The following BIRC6 variants were observed in gnomAD, a reference collection of about 807,000 sequenced individuals.
The protein encoded by BIRC6 is baculoviral IAP repeat containing 6.
A neutral mutation model predicts 503.3 loss-of-function variants in BIRC6; 98 were observed. The observed-to-expected ratio is 0.19, with a 90% CI of 0.17 to 0.23. The LOEUF (loss-of-function observed/expected upper bound fraction) is 0.23. Ranked by LOEUF, BIRC6 falls within the 10% of genes least tolerant of loss-of-function variation. The pLI is 1.00. For synonymous variants in BIRC6, 2,240 were observed against 2,078.7 expected (o/e 1.08, Z -2.11); for missense variants, 5,360 against 5,806.0 (o/e 0.92, Z 2.50).
chr2:32,603,530 C>T (rs994272067), intron 71 of BIRC6, among the ~76,000 whole-genome samples: 31 of 152,176 alleles, frequency 2.0e-4, no homozygotes, highest in African/African-American at 6.0e-4. Context: ...GCTTGGCCAA[C>T]GTGGTAAGAC....
chr2:32,563,176 A>T (rs1455513697), intron 65 of BIRC6, among the ~76,000 whole-genome samples: 1 of 152,220 alleles, frequency 6.6e-6, no homozygotes. Flanking sequence ...TGTATGTTAC[A>T]TGAAGAGGGT....
chr2:32,441,570 T>G (rs539729731), intron 17 of BIRC6, 108 bp downstream of exon 17: 3 of 1,038,106 alleles, frequency 2.9e-6, no homozygotes, highest in East Asian at 5.1e-5. Flanking sequence ...AAATTTTTTT[T>G]GTCCATTTTT....
At chr2:32,558,632 T>A (rs901561446) in intron 65 of BIRC6, 1 of 152,182 alleles carries the variant, frequency 6.6e-6, no homozygotes, top group African/African-American at 2.4e-5. Context: ...TTTAAAATAA[T>A]TAAAAGAGAA....
intron 53 of BIRC6, 126 bp downstream of exon 53, chr2:32,510,760 C>T: frequency 3.1e-6 from 2 of 637,044 alleles, no homozygotes; most frequent in Non-Finnish European, 5.5e-6. Context: ...TGTATGTTTA[C>T]CATATGCCTC....
intron 65 of BIRC6, among the ~76,000 whole-genome samples, chr2:32,553,414 G>T (rs1239579685): frequency 6.6e-6 from 1 of 151,680 alleles, no homozygotes; most frequent in African/African-American, 2.4e-5. Context: ...TTGAGACAGA[G>T]TCTCATTCTG....
rs1290070750 is a variant in BIRC6 at position 32,531,537 on chromosome 2, G to C, written c.12277G>C (p.Glu4093Gln). ...TGAAAGACTACCCATGCTATATCCAGAAGTAATTCAACAGGTAAGATAAGA... is the reference window on the plus strand; with the variant it reads ...TGAAAGACTACCCATGCTATATCCACAAGTAATTCAACAGGTAAGATAAGA... The part of the protein sequence containing the change: ...IAERLPMLYP[E>Q]VIQQVSAPVV... Residue 4093 changes from glutamate to glutamine, a missense_variant, in exon 61 of 74, where the codon GAA (glutamate) becomes CAA (glutamine). Coordinates refer to ENST00000421745, the MANE Select transcript of BIRC6 (RefSeq NM_016252.4). 6.2e-7 allele frequency: 1 copy of C among 1,611,388 alleles called. No homozygotes were observed. The highest frequency in any genetic ancestry group is 8.5e-7 in the Non-Finnish European group (1 of 1,178,512).
At chr2:32,453,712 C>A (rs997299772) in intron 22 of BIRC6, 96 bp from the exon 23 acceptor site, 167 of 1,170,014 alleles carry the variant, frequency 1.4e-4, no homozygotes, top group Non-Finnish European at 2.0e-4. Flanking sequence ...TTTATATGTT[C>A]TAATTAAAAT....
intron 9 of BIRC6, among the ~76,000 whole-genome samples, chr2:32,410,692 C>T (rs988029652): frequency 6.6e-6 from 1 of 151,404 alleles, no homozygotes; most frequent in Non-Finnish European, 1.5e-5. Context: ...TATTGCTCTA[C>T]TTGGGCAACT....
chr2:32,369,004 A>G (rs1406454824), intron 1 of BIRC6, among the ~76,000 whole-genome samples: 1 of 152,132 alleles, frequency 6.6e-6, no homozygotes, highest in East Asian at 1.9e-4. Flanking sequence ...AAGGAAAATT[A>G]CAGCTGATAT....
chr2:32,534,298 C>T (rs184920413), intron 61 of BIRC6, among the ~76,000 whole-genome samples: 81 of 144,394 alleles, frequency 5.6e-4, no homozygotes, highest in Non-Finnish European at 3.7e-4. Context: ...TGCTTGAACC[C>T]GGGAGGTGGA....
At chr2:32,425,847 A>T (rs1228526751) in intron 10 of BIRC6, among the ~76,000 whole-genome samples, 1 of 152,142 alleles carries the variant, frequency 6.6e-6, no homozygotes, top group Admixed American at 6.5e-5. Context: ...AACCCTATAT[A>T]TTGGGAAGAG....
intron 25 of BIRC6, 24 bp from the exon 26 acceptor site, chr2:32,465,041 A>ATT (rs749253756): frequency 9.9e-5 from 109 of 1,101,428 alleles, no homozygotes; most frequent in South Asian, 1.9e-4. Context: ...ATAAAGTTAG[A>ATT]TTTTTTTTTT....
intron 45 of BIRC6, among the ~76,000 whole-genome samples, chr2:32,497,785 C>A (rs1011906323): frequency 1.3e-5 from 2 of 151,910 alleles, no homozygotes; most frequent in African/African-American, 4.8e-5. Context: ...TTTCTACTTT[C>A]TTTGAATTTA....
At chr2:32,489,599 G>A (rs1397549137) in intron 42 of BIRC6, among the ~76,000 whole-genome samples, 1 of 152,050 alleles carries the variant, frequency 6.6e-6, no homozygotes, top group East Asian at 1.9e-4. Flanking sequence ...ATCCCTTGAG[G>A]GCAGGAATTT....
At chr2:32,545,241 T>C (rs2057976031) in intron 62 of BIRC6, among the ~76,000 whole-genome samples, 1 of 152,136 alleles carries the variant, frequency 6.6e-6, no homozygotes, top group East Asian at 1.9e-4. Context: ...GGGAAAAAAA[T>C]AGTTTTACTT....
At chr2:32,364,398 C>G (rs189260124) in intron 1 of BIRC6, among the ~76,000 whole-genome samples, 24 of 152,226 alleles carry the variant, frequency 1.6e-4, no homozygotes, top group African/African-American at 5.8e-4. Context: ...CGCCACCATG[C>G]CTGGCTAATT....
At chr2:32,508,331 T>C in intron 51 of BIRC6, 72 bp downstream of exon 51, 2 of 1,437,240 alleles carry the variant, frequency 1.4e-6, no homozygotes, top group Non-Finnish European at 1.8e-6. Context: ...GGGGACTTAA[T>C]TATTTTGTGG....
At chr2:32,612,308 A>C (rs1199308064) in intron 73 of BIRC6, among the ~76,000 whole-genome samples, 1 of 152,184 alleles carries the variant, frequency 6.6e-6, no homozygotes, top group African/African-American at 2.4e-5. Context: ...GGGAGAAAGC[A>C]GTTGTTTTCA....
chr2:32,503,177 C>G lies in BIRC6; in HGVS notation c.9440C>G (p.Thr3147Arg), dbSNP rs746859921. 6.2e-7 allele frequency: 1 copy of G among 1,613,166 alleles called. No homozygotes were observed. Among genetic ancestry groups the G allele is most frequent in the Non-Finnish European group, 8.5e-7 (1 of 1,179,600 alleles). ...PNKAVDSTLK[T>R]RILASEPDNA... ...AAAGCTGTTGACAGCACATTGAAAA[C>G]AAGAATACTAGCTTCTGAGCCTGAC... Residue 3147 changes from threonine to arginine, a missense_variant, in exon 49 of 74, where the codon ACA becomes AGA. By Grantham distance (71) the Thr-to-Arg change is moderately conservative. Transcript: ENST00000421745.
Sources: allele counts gnomAD v4.1 joint callset (sites outside exome capture counted in the v4.1 genomes callset), GRCh38; gene constraint gnomAD v4.1.1; transcripts MANE v1.5; gene names NCBI Gene and HGNC (gene_info 2026-07-23, HGNC 2026-07-21).